Variants in METTL21A observed in about 807,000 individuals in gnomAD.
METTL21A encodes the protein protein N-lysine methyltransferase METTL21A.
Under a neutral mutation model 20.9 loss-of-function variants are expected in METTL21A, and 22 were observed. The observed-to-expected ratio is 1.05, with a 90% CI of 0.75 to 1.50. The LOEUF (loss-of-function observed/expected upper bound fraction) is 1.50. Ranked by LOEUF, METTL21A falls within the 40% of genes most tolerant of loss-of-function variation. The pLI is 0.00. For missense variants in METTL21A, 271 were observed against 266.8 expected (o/e 1.02, Z -0.11); for synonymous variants, 93 against 102.0 (o/e 0.91, Z 0.53).
intron 3 of METTL21A, among the ~76,000 whole-genome samples, chr2:207,594,542 C>T (rs2085740850): frequency 6.6e-6 from 1 of 152,132 alleles, no homozygotes; most frequent in Admixed American, 6.5e-5. Context: ...TTTTGGCATG[C>T]AGAGGGCCTT....
downstream of METTL21A, chr2:207,612,377 G>A (rs1045202516): frequency 3.3e-5 from 5 of 151,848 alleles, no homozygotes; most frequent in Non-Finnish European, 7.4e-5. Context: ...TGGGATTACA[G>A]GCATGAGCCA....
chr2:207,622,227 G>A (rs1345218835), intron 2 of METTL21A, among the ~76,000 whole-genome samples: 6 of 149,022 alleles, frequency 4.0e-5, no homozygotes, highest in African/African-American at 1.2e-4. Flanking sequence ...GGAGTGCAGT[G>A]GCACAATCTC....
chr2:207,586,835 A>G (rs573376398), intron 3 of METTL21A, among the ~76,000 whole-genome samples: 1 of 152,388 alleles, frequency 6.6e-6, no homozygotes, highest in African/African-American at 2.4e-5. Flanking sequence ...TTAAAACCAC[A>G]ATGAAGTATC....
intron 3 of METTL21A, chr2:207,596,771 C>T: frequency 1.0e-6 from 1 of 979,236 alleles, no homozygotes; most frequent in Non-Finnish European, 1.5e-6. Flanking sequence ...CCAAGTAATT[C>T]TGTATATCTT....
chr2:207,607,598 T>C (rs952360986), downstream of METTL21A, among the ~76,000 whole-genome samples: 8 of 147,904 alleles, frequency 5.4e-5, no homozygotes, highest in Non-Finnish European at 1.0e-4. Flanking sequence ...CCATCTACCA[T>C]GAACTAAAGC....
chr2:207,593,074 G>C (rs1330219301), intron 3 of METTL21A, among the ~76,000 whole-genome samples: 2 of 152,144 alleles, frequency 1.3e-5, no homozygotes, highest in Admixed American at 6.5e-5. Context: ...TTCCTCAGCT[G>C]TGTCAGTTTT....
chr2:207,613,387 C>A (rs750381718), exon 4 of METTL21A: 2 of 1,608,524 alleles, frequency 1.2e-6, no homozygotes, highest in Admixed American at 1.7e-5. Context: ...TTGGCTTGAA[C>A]GTTTGATTTA....
chr2:207,617,046 GAC>G (rs1395444815), intron 3 of METTL21A, among the ~76,000 whole-genome samples: 2 of 152,172 alleles, frequency 1.3e-5, no homozygotes, highest in African/African-American at 4.8e-5. Flanking sequence ...AGGAGGGTGA[GAC>G]AGTATTTAGT....
intron 3 of METTL21A, among the ~76,000 whole-genome samples, chr2:207,621,594 T>TGA (rs892852027): frequency 2.6e-5 from 4 of 151,930 alleles, no homozygotes; most frequent in South Asian, 2.1e-4. Flanking sequence ...TGTGTGTGTG[T>TGA]GAGAGAGAGA....
rs2089252367 is a variant in METTL21A, at chr2:207,613,423, C to G, written c.280G>C (p.Asp94His). Residue 94 changes from aspartate to histidine, a missense_variant, in exon 4 of 4, where the codon GAT (aspartate) becomes CAT (histidine). Asp to His is a moderately conservative substitution (Grantham distance 81, BLOSUM62 -1). Transcript: ENST00000406927. ...AGAAATTCTAATGCTACTTTTCGAT[C>G]CGTGATAGTCACATGAGCACCTACA... 8.1e-6 allele frequency: 13 copies of G among 1,596,840 alleles called. 1 individual carries two copies. The highest frequency in any genetic ancestry group is 1.1e-5 in the Non-Finnish European group (13 of 1,173,650).
At chr2:207,626,021 G>A (rs6748491), upstream of METTL21A, 46,635 of 152,358 alleles carry the variant, frequency 0.31, 7,631 homozygotes, top group South Asian at 0.51. Flanking sequence ...CGGAGCTCTG[G>A]GCGTGCGCTC....
At chr2:207,602,459 A>G (rs2087240261) in intron 3 of METTL21A, 1 of 202,126 alleles carries the variant, frequency 4.9e-6, no homozygotes, top group Non-Finnish European at 1.0e-5. Flanking sequence ...AGGATCAAAG[A>G]GTAGGAAATT....
intron 3 of METTL21A, among the ~76,000 whole-genome samples, chr2:207,592,656 CACGCA>C (rs1480313189): frequency 6.6e-6 from 1 of 152,058 alleles, no homozygotes; most frequent in Admixed American, 6.5e-5. Context: ...TGCAGTGGCT[CACGCA>C]TGTAATCCCA....
intron 3 of METTL21A, chr2:207,597,183 GC>G: frequency 9.9e-7 from 1 of 1,005,560 alleles, no homozygotes. Context: ...CTGCCTGAAA[GC>G]AACTACAGAA....
intron 3 of METTL21A, among the ~76,000 whole-genome samples, chr2:207,618,453 A>G (rs549740715): frequency 6.6e-6 from 1 of 152,306 alleles, no homozygotes; most frequent in South Asian, 2.1e-4. Flanking sequence ...TTATAACAAT[A>G]TACCATAATA....
downstream of METTL21A, chr2:207,581,663 A>AT: frequency 2.1e-6 from 1 of 478,026 alleles, no homozygotes; most frequent in East Asian, 3.2e-5. Flanking sequence ...AGAGTTCCGG[A>AT]TACCCTTCAT....
chr2:207,587,859 A>G (rs1449726599), intron 3 of METTL21A, among the ~76,000 whole-genome samples: 1 of 152,204 alleles, frequency 6.6e-6, no homozygotes, highest in Non-Finnish European at 1.5e-5. Flanking sequence ...CTAGGTTGGT[A>G]GAATGATTTC....
intron 3 of METTL21A, chr2:207,620,595 A>T (rs1306098544): frequency 7.1e-7 from 1 of 1,409,106 alleles, no homozygotes; most frequent in South Asian, 1.4e-5. Flanking sequence ...GAAAAATGAA[A>T]ATTAAAAATA....
chr2:207,603,853 A>T (rs2087572818), intron 3 of METTL21A, among the ~76,000 whole-genome samples: 1 of 152,208 alleles, frequency 6.6e-6, no homozygotes, highest in Non-Finnish European at 1.5e-5. Flanking sequence ...CTGTAAGAAT[A>T]AAAAAGTTAT....
Sources: allele counts gnomAD v4.1 joint callset (sites outside exome capture counted in the v4.1 genomes callset), GRCh38; gene constraint gnomAD v4.1.1; transcripts MANE v1.5; gene names NCBI Gene and HGNC (gene_info 2026-07-23, HGNC 2026-07-21).